The following PPM1H variants were observed in gnomAD, a reference collection of about 807,000 sequenced individuals.
The protein encoded by PPM1H is protein phosphatase 1H.
In PPM1H, 27 loss-of-function variants were observed where a neutral mutation model predicts 54.9. The ratio of observed to expected loss-of-function variants is 0.49; its 90% confidence interval spans 0.36 to 0.68. PPM1H has a LOEUF of 0.68. Among genes scored for constraint, PPM1H ranks in the 30% least tolerant of loss-of-function variants. The pLI is 0.00. For synonymous variants in PPM1H, 305 were observed against 270.8 expected, an observed-to-expected ratio of 1.13 and a Z score of -1.24; for missense variants, 596 against 667.8, an observed-to-expected ratio of 0.89 and a Z score of 1.19.
rs143719869 is a variant in PPM1H at position 62,886,346 on chromosome 12, C to T, written c.245+48146G>A. On this transcript the variant is annotated intron_variant, in intron 1 of 9. Transcript: ENST00000228705. ...AATTTACAAAACTATGTACTATGCTCTCAAAGAATAAGGTGTTAATCCAAG... is the reference window on the plus strand; with the variant it reads ...AATTTACAAAACTATGTACTATGCTTTCAAAGAATAAGGTGTTAATCCAAG... Among the ~76,000 whole-genome samples the T allele has an allele frequency of 2.0e-5, 3 of 152,304 alleles. No individual in the cohort carries two copies. In the East Asian group the frequency reaches 5.8e-4, roughly 29 times the overall value.
intron 1 of PPM1H, among the ~76,000 whole-genome samples, chr12:62,881,080 C>T (rs1201979476): frequency 6.6e-6 from 1 of 152,190 alleles, no homozygotes; most frequent in East Asian, 1.9e-4. Flanking sequence ...CACAAAGTTG[C>T]CCTAGTTAAG....
At chr12:62,650,843 C>A (rs1277441966) in intron 9 of PPM1H, among the ~76,000 whole-genome samples, 2 of 152,130 alleles carry the variant, frequency 1.3e-5, no homozygotes, top group African/African-American at 4.8e-5. Context: ...TGCCTCCCAC[C>A]AGGTCCCTCT....
At chr12:62,872,905 T>C (rs997163148) in intron 1 of PPM1H, among the ~76,000 whole-genome samples, 6 of 152,228 alleles carry the variant, frequency 3.9e-5, no homozygotes, top group African/African-American at 1.4e-4. Flanking sequence ...AAATACTACT[T>C]TCTGCATATA....
chr12:62,730,407 T>G (rs538326156), intron 5 of PPM1H, among the ~76,000 whole-genome samples: 1 of 152,298 alleles, frequency 6.6e-6, no homozygotes, highest in South Asian at 2.1e-4. Flanking sequence ...TGCCAAACTC[T>G]TTTTCAAAGG....
chr12:62,800,015 A>AT (rs1253017263), intron 3 of PPM1H, among the ~76,000 whole-genome samples: 8 of 152,174 alleles, frequency 5.3e-5, no homozygotes, highest in Non-Finnish European at 1.0e-4. Flanking sequence ...AGCAAGGTGC[A>AT]TTTTAAACCA....
chr12:62,728,069 A>T (rs2076299577), intron 5 of PPM1H, among the ~76,000 whole-genome samples: 1 of 152,224 alleles, frequency 6.6e-6, no homozygotes, highest in African/African-American at 2.4e-5. Flanking sequence ...TCAAGGAAAC[A>T]TAACAGAATG....
At chr12:62,884,227 C>T (rs1411858142) in intron 1 of PPM1H, among the ~76,000 whole-genome samples, 1 of 152,022 alleles carries the variant, frequency 6.6e-6, no homozygotes. Context: ...GTGACTCAAA[C>T]CTGTAATCCC....
rs181477383 is a variant in PPM1H, at chr12:62,819,867, A to T, written c.411+12247T>A. On this transcript the variant is annotated intron_variant, in intron 2 of 9. Coordinates refer to ENST00000228705, the MANE Select transcript of PPM1H (RefSeq NM_020700.2). ...CAGCTCCCAGTGGGATTGATGCAGA[A>T]GACAGTGATTTCTGCATTTCGAACT... Among the ~76,000 whole-genome samples, 604 of 152,322 alleles carry T rather than the reference A, an allele frequency of 4.0e-3. 2 individuals are homozygous for T. The highest frequency in any genetic ancestry group is 8.4e-3 in the Admixed American group (128 of 15,304).
At chr12:62,904,359 C>T (rs1871247108) in intron 1 of PPM1H, among the ~76,000 whole-genome samples, 1 of 152,130 alleles carries the variant, frequency 6.6e-6, no homozygotes, top group South Asian at 2.1e-4. Flanking sequence ...CCACCTCAGC[C>T]TCTGAGTAGC....
chr12:62,872,031 G>A (rs1870005930), intron 1 of PPM1H, among the ~76,000 whole-genome samples: 1 of 152,146 alleles, frequency 6.6e-6, no homozygotes, highest in African/African-American at 2.4e-5. Context: ...AATAAATACA[G>A]CATTCAGTTT....
At chr12:62,685,072 T>C (rs951090387) in intron 8 of PPM1H, among the ~76,000 whole-genome samples, 8 of 152,076 alleles carry the variant, frequency 5.3e-5, no homozygotes, top group Non-Finnish European at 1.2e-4. Context: ...TCTGGAAACA[T>C]TTAACATGTA....
chr12:62,650,425 G>A (rs1450227839), intron 9 of PPM1H, among the ~76,000 whole-genome samples: 1 of 152,130 alleles, frequency 6.6e-6, no homozygotes, highest in Non-Finnish European at 1.5e-5. Context: ...TTCGTCCTGA[G>A]GTTCTCCTCC....
intron 6 of PPM1H, among the ~76,000 whole-genome samples, chr12:62,703,000 G>A (rs2076152624): frequency 6.6e-6 from 1 of 152,202 alleles, no homozygotes; most frequent in South Asian, 2.1e-4. Context: ...TTCATAGGAT[G>A]GTTGCAAGGA....
chr12:62,759,079 A>G (rs931812439), intron 4 of PPM1H, among the ~76,000 whole-genome samples: 2 of 152,196 alleles, frequency 1.3e-5, no homozygotes, highest in African/African-American at 4.8e-5. Context: ...AGAACTAACG[A>G]TAATCCACCA....
intron 1 of PPM1H, among the ~76,000 whole-genome samples, chr12:62,835,390 G>T (rs11174685): frequency 0.069 from 10,527 of 152,286 alleles, 489 homozygotes; most frequent in Middle Eastern, 0.15. Context: ...GAACACACTT[G>T]GGAGTTCTGA....
At chr12:62,755,433 C>T (rs2029720) in intron 4 of PPM1H, 418,329 of 707,052 alleles carry the variant, frequency 0.59, 125,045 homozygotes, top group African/African-American at 0.75. Flanking sequence ...TTGTCATCAA[C>T]GAAAATCCTA....
chr12:62,868,944 T>G (rs1402598467), intron 1 of PPM1H, among the ~76,000 whole-genome samples: 1 of 152,200 alleles, frequency 6.6e-6, no homozygotes, highest in African/African-American at 2.4e-5. Flanking sequence ...AGAACCTGGA[T>G]AAAAACCAGG....
At chr12:62,824,285 T>C (rs920268478) in intron 2 of PPM1H, among the ~76,000 whole-genome samples, 36 of 152,184 alleles carry the variant, frequency 2.4e-4, no homozygotes, top group Non-Finnish European at 4.3e-4. Context: ...TCCATGCTCA[T>C]GGATAGGAAG....
At chr12:62,769,226 A>G (rs1228228797) in intron 4 of PPM1H, among the ~76,000 whole-genome samples, 3 of 152,334 alleles carry the variant, frequency 2.0e-5, no homozygotes, top group Non-Finnish European at 2.9e-5. Context: ...CTGTGGCACC[A>G]CTAGCCCTAA....
Sources: gnomAD v4.1 joint callset for allele counts (sites outside exome capture counted in the v4.1 genomes callset) on GRCh38, gnomAD v4.1.1 for gene constraint, MANE v1.5 for transcripts, NCBI Gene and HGNC (gene_info 2026-07-23, HGNC 2026-07-21) for gene names.